Variants in FDFT1 observed in about 807,000 individuals in gnomAD.
FDFT1 encodes the protein farnesyl-diphosphate farnesyltransferase 1.
In FDFT1, 68 loss-of-function variants were observed where a neutral mutation model predicts 46.8. The observed-to-expected ratio is 1.45, with a 90% confidence interval of 1.19 to 1.78. The LOEUF is 1.78. FDFT1 is among the 40% of genes most tolerant of loss of function. The pLI is 0.00. For synonymous variants in FDFT1, 351 were observed against 185.1 expected, an observed-to-expected ratio of 1.90 and a Z score of -7.28; for missense variants, 928 against 524.4, an observed-to-expected ratio of 1.77 and a Z score of -7.52.
At chr8:11,802,112 T>C (rs1331715034), upstream of FDFT1, 1 of 454,470 alleles carries the variant, frequency 2.2e-6, no homozygotes, top group Non-Finnish European at 4.4e-6. Context: ...AAGTAAACAC[T>C]AGAGAGGGGG....
chr8:11,809,163 T>C, intron 2 of FDFT1: 1 of 1,288,572 alleles, frequency 7.8e-7, no homozygotes, highest in Non-Finnish European at 9.9e-7. Context: ...TGAACCTGCC[T>C]GTGAGCAGGT....
Position 11,809,625 on chromosome 8 carries a change from G to T in FDFT1, c.198-42G>T, listed in dbSNP as rs764962236. On this transcript the variant is annotated intron_variant, in intron 2 of 7. Coordinates refer to ENST00000220584, the MANE Select transcript of FDFT1 (RefSeq NM_004462.5). ...GTTATTTTAAAATAAAAAATCTTTG[G>T]CTGTTTGTTCCAATATATTAATAGT... 8 of 1,524,000 alleles carry T rather than the reference G, an allele frequency of 5.2e-6. 1 individual carries two copies. The Admixed American group carries it at 1.1e-4, about 20-fold the overall frequency. 94.4% of individuals were successfully genotyped at this position (1,524,000 alleles called of 1,614,324 possible).
intron 6 of FDFT1, among the ~76,000 whole-genome samples, chr8:11,831,189 A>G (rs1016095742): frequency 2.0e-5 from 3 of 152,236 alleles, no homozygotes; most frequent in Non-Finnish European, 2.9e-5. Context: ...TTTGAAATAC[A>G]TATTTCCGAT....
chr8:11,802,111 C>G (rs148823157), upstream of FDFT1: 2 of 454,752 alleles, frequency 4.4e-6, no homozygotes, highest in Non-Finnish European at 4.4e-6. Flanking sequence ...CAAGTAAACA[C>G]TAGAGAGGGG....
intron 7 of FDFT1, among the ~76,000 whole-genome samples, chr8:11,832,047 C>T (rs936031597): frequency 5.9e-5 from 9 of 152,116 alleles, no homozygotes; most frequent in Non-Finnish European, 1.3e-4. Context: ...CTCTGGCTCC[C>T]GTCCATGTGT....
chr8:11,836,393 G>A (rs754630086), intron 7 of FDFT1, among the ~76,000 whole-genome samples: 13 of 152,180 alleles, frequency 8.5e-5, no homozygotes, highest in Non-Finnish European at 1.3e-4. Context: ...GAGACCTCTC[G>A]CTTCCTGCCC....
At chr8:11,814,174 C>A (rs188951029) in intron 3 of FDFT1, among the ~76,000 whole-genome samples, 8 of 152,156 alleles carry the variant, frequency 5.3e-5, no homozygotes, top group Admixed American at 6.6e-5. Flanking sequence ...ATTCTAATAA[C>A]CTCTTGTAGA....
chr8:11,827,486 C>T (rs1041213559), intron 5 of FDFT1, among the ~76,000 whole-genome samples: 1 of 151,706 alleles, frequency 6.6e-6, no homozygotes, highest in Non-Finnish European at 1.5e-5. Context: ...CCACTGCACT[C>T]CAGCCTCGGT....
chr8:11,806,829 A>G (rs1282931083), intron 1 of FDFT1, among the ~76,000 whole-genome samples: 1 of 152,160 alleles, frequency 6.6e-6, no homozygotes, highest in African/African-American at 2.4e-5. Flanking sequence ...TCCTCGATGA[A>G]TGTCTTCATT....
intron 3 of FDFT1, among the ~76,000 whole-genome samples, chr8:11,817,104 C>T (rs557424828): frequency 1.3e-5 from 2 of 152,210 alleles, no homozygotes; most frequent in African/African-American, 4.8e-5. Flanking sequence ...TGTCAAAGGC[C>T]TTTCGTGCAT....
At chr8:11,805,972 G>A (rs1032038830) in intron 1 of FDFT1, among the ~76,000 whole-genome samples, 1 of 152,134 alleles carries the variant, frequency 6.6e-6, no homozygotes, top group Non-Finnish European at 1.5e-5. Flanking sequence ...ATAAATGGTG[G>A]TTATCAATCT....
chr8:11,802,856 C>A lies in FDFT1; in HGVS notation c.24C>A (p.Gly8=). The change falls in exon 1 of 8, where the codon GGC becomes GGA. Residue 8 remains glycine, a synonymous_variant. Transcript: ENST00000220584. MEFVKCL[G]HPEEFYNLVR... The stretch of plus-strand genomic sequence containing the variant: ...GGATGGAGTTCGTGAAATGCCTTGG[C>A]CACCCCGAAGAGTTCTACAACCTGG... 1.9e-6 allele frequency: 3 copies of A among 1,611,404 alleles called. No homozygotes were observed. Among genetic ancestry groups the A allele is most frequent in the South Asian group, 2.2e-5 (2 of 90,488 alleles).
At chr8:11,821,660 G>T (rs1809264813) in intron 3 of FDFT1, 90 bp from the exon 4 acceptor site, 7 of 1,452,654 alleles carry the variant, frequency 4.8e-6, no homozygotes, top group Non-Finnish European at 6.7e-6. Flanking sequence ...TTGCAGTCAT[G>T]ATTAATTCCG....
upstream of FDFT1, among the ~76,000 whole-genome samples, chr8:11,798,490 A>G (rs1341709681): frequency 1.3e-5 from 2 of 152,212 alleles, no homozygotes; most frequent in African/African-American, 4.8e-5. Context: ...TTAAAATGAA[A>G]GGTATTTGTT....
intron 3 of FDFT1, chr8:11,810,112 A>C (rs1807495197): frequency 2.3e-6 from 1 of 433,688 alleles, no homozygotes; most frequent in Non-Finnish European, 4.1e-6. Flanking sequence ...TAGGGGTAAT[A>C]ATAACACCTA....
In FDFT1 at chr8:11,821,948, A is replaced by T. The variant is rs1809313208; in HGVS notation, c.510+70A>T. ...GCTGGCAGTCCTCATAGTGAAGCTC[A>T]GAACAAGAAAAGTTGTCCAGTATTT... On this transcript the variant is annotated intron_variant, in intron 4 of 7. Transcript: ENST00000220584. 5 of 1,554,414 alleles carry T rather than the reference A, an allele frequency of 3.2e-6. No homozygotes were observed. In the Admixed American group the frequency reaches 6.9e-5, roughly 21 times the overall value.
intron 1 of FDFT1, chr8:11,808,398 C>T (rs1391857353): frequency 3.2e-6 from 4 of 1,235,954 alleles, no homozygotes; most frequent in African/African-American, 1.6e-5. Flanking sequence ...GGGGCGGGCC[C>T]GTTGTGGGTC....
chr8:11,836,021 C>T (rs888190572), intron 7 of FDFT1, among the ~76,000 whole-genome samples: 3 of 137,578 alleles, frequency 2.2e-5, no homozygotes, highest in Non-Finnish European at 4.6e-5. Flanking sequence ...GGCATGGTGG[C>T]AGGTGCCTGT....
chr8:11,825,609 T>G (rs1363216436), intron 4 of FDFT1, among the ~76,000 whole-genome samples: 1 of 151,090 alleles, frequency 6.6e-6, no homozygotes, highest in Non-Finnish European at 1.5e-5. Flanking sequence ...TCCCAGCTGT[T>G]CGGGAAGCTG....
Sources: allele counts gnomAD v4.1 joint callset (sites outside exome capture counted in the v4.1 genomes callset), GRCh38; gene constraint gnomAD v4.1.1; transcripts MANE v1.5; gene names NCBI Gene and HGNC (gene_info 2026-07-23, HGNC 2026-07-21).